MAP7: variants seen among roughly 807,000 people sequenced by gnomAD.
The protein encoded by MAP7 is ensconsin.
A neutral mutation model predicts 94.8 loss-of-function variants in MAP7; 52 were observed. The ratio of observed to expected loss-of-function variants is 0.55; its 90% CI spans 0.44 to 0.69. The LOEUF (loss-of-function observed/expected upper bound fraction) is 0.69. MAP7 is among the 30% of genes least tolerant of loss of function. MAP7 has a pLI of 0.00. For synonymous variants in MAP7, 350 were observed against 357.0 expected (o/e 0.98, Z 0.22); for missense variants, 940 against 964.6 (o/e 0.97, Z 0.34).
chr6:136,396,313 A>G (rs1214178470), intron 3 of MAP7, among the ~76,000 whole-genome samples: 1 of 151,814 alleles, frequency 6.6e-6, no homozygotes, highest in African/African-American at 2.4e-5. Context: ...TTTTATTTTT[A>G]TAGCTACCGT....
At chr6:136,482,983 G>A (rs1158455195) in intron 1 of MAP7, among the ~76,000 whole-genome samples, 1 of 152,006 alleles carries the variant, frequency 6.6e-6, no homozygotes, top group African/African-American at 2.4e-5. Flanking sequence ...TTCTGTACAA[G>A]TTTTCCACGT....
At chr6:136,449,823 T>G (rs1285204104) in intron 1 of MAP7, among the ~76,000 whole-genome samples, 2 of 152,220 alleles carry the variant, frequency 1.3e-5, no homozygotes, top group Non-Finnish European at 2.9e-5. Context: ...ATAAGGGCTC[T>G]GAGAGGGAAG....
chr6:136,543,197 G>C (rs1370840942), intron 1 of MAP7, among the ~76,000 whole-genome samples: 1 of 152,248 alleles, frequency 6.6e-6, no homozygotes, highest in African/African-American at 2.4e-5. Flanking sequence ...CAAAACCCGG[G>C]AACAACTCAA....
intron 3 of MAP7, among the ~76,000 whole-genome samples, chr6:136,400,026 A>C (rs1161849684): frequency 6.6e-6 from 1 of 152,202 alleles, no homozygotes; most frequent in African/African-American, 2.4e-5. Flanking sequence ...ATTAAAGATA[A>C]CCATGGAATG....
Position 136,466,665 on chromosome 6 carries a change from A to G in MAP7, c.68-44866T>C. On this transcript the variant is annotated intron_variant, in intron 1 of 17. Transcript: ENST00000354570. ...TTCCTACTCTGTACTTCCACTTGTTATAAGTATTAATTTGTCAAAATGGAT... is the reference window on the plus strand; with the variant it reads ...TTCCTACTCTGTACTTCCACTTGTTGTAAGTATTAATTTGTCAAAATGGAT... 5.0e-6 allele frequency: 6 copies of G among 1,211,608 alleles called. No individual in the cohort carries two copies. The South Asian group carries it at 7.4e-5, about 15-fold the overall frequency. 75.1% of individuals were successfully genotyped at this position (1,211,608 alleles called of 1,614,324 possible).
intron 1 of MAP7, among the ~76,000 whole-genome samples, chr6:136,485,988 C>T (rs1814613793): frequency 2.0e-5 from 3 of 152,154 alleles, no homozygotes. Context: ...CTCCTAGAAC[C>T]TTGTGAAACA....
At chr6:136,379,593 C>T (rs1338415313) in intron 6 of MAP7, among the ~76,000 whole-genome samples, 2 of 152,104 alleles carry the variant, frequency 1.3e-5, no homozygotes, top group African/African-American at 4.8e-5. Flanking sequence ...TGAAAATCTT[C>T]CACAGAACTA....
intron 1 of MAP7, among the ~76,000 whole-genome samples, chr6:136,511,841 C>T (rs947086787): frequency 1.3e-5 from 2 of 152,168 alleles, no homozygotes; most frequent in Admixed American, 6.5e-5. Context: ...AATTCAAACA[C>T]GGCTGTAATG....
rs977280591 is a variant in MAP7, at chr6:136,392,651, T to C, written c.245-3134A>G. ...GATGTGTGAGCATGTCCATGTAGAA[T>C]AGCTGAATCAAAGGGAACATACATT... On this transcript the variant is annotated intron_variant, in intron 3 of 17. Transcript: ENST00000354570. 2.1e-4 allele frequency among the ~76,000 whole-genome samples: 32 copies of C among 152,166 alleles called. 1 individual carries two copies. The highest frequency in any genetic ancestry group is 1.8e-3 in the Admixed American group (27 of 15,266).
Position 136,381,921 on chromosome 6 carries a change from G to C in MAP7, c.637+1750C>G, listed in dbSNP as rs28529621. Among the ~76,000 whole-genome samples the C allele has an allele frequency of 7.0e-3, 524 of 74,776 alleles. 4 individuals carry two copies. Among genetic ancestry groups the C allele is most frequent in the African/African-American group, 0.021 (389 of 18,292 alleles). 49.1% of individuals were successfully genotyped at this position (74,776 alleles called of 152,430 possible). A position where few individuals can be genotyped will look rare whatever the true frequency, so the allele number is the denominator to read the frequency against. On this transcript the variant is annotated intron_variant, in intron 6 of 17. Transcript: ENST00000354570. ...ACACACACACACACACACACACACA[G>C]AGAGAGAGAGAGAGAATGCATGGAG...
chr6:136,391,893 A>G (rs1780888443), intron 3 of MAP7, among the ~76,000 whole-genome samples: 1 of 152,218 alleles, frequency 6.6e-6, no homozygotes, highest in African/African-American at 2.4e-5. Flanking sequence ...ATGACATTAA[A>G]CATTTTAAAT....
chr6:136,482,359 G>A (rs1001623495), intron 1 of MAP7, among the ~76,000 whole-genome samples: 1 of 152,208 alleles, frequency 6.6e-6, no homozygotes, highest in Non-Finnish European at 1.5e-5. Flanking sequence ...AGCACTTTGG[G>A]AGGCCAAGGA....
chr6:136,479,900 A>G (rs1245032421), intron 1 of MAP7, among the ~76,000 whole-genome samples: 1 of 152,208 alleles, frequency 6.6e-6, no homozygotes, highest in African/African-American at 2.4e-5. Flanking sequence ...TGAAAAATCA[A>G]TATTGTTAAA....
intron 16 of MAP7, among the ~76,000 whole-genome samples, chr6:136,346,934 T>A (rs1787867265): frequency 6.6e-6 from 1 of 152,218 alleles, no homozygotes; most frequent in Non-Finnish European, 1.5e-5. Context: ...CCTTGCATAA[T>A]TTCATATGTA....
chr6:136,432,772 T>G (rs1003893411), intron 1 of MAP7, among the ~76,000 whole-genome samples: 10 of 152,200 alleles, frequency 6.6e-5, no homozygotes, highest in African/African-American at 2.4e-4. Context: ...ATTTATCTAT[T>G]GATTTAGCCT....
At chr6:136,458,014 T>A (rs1049874859) in intron 1 of MAP7, among the ~76,000 whole-genome samples, 6 of 152,150 alleles carry the variant, frequency 3.9e-5, no homozygotes, top group African/African-American at 1.4e-4. Context: ...GATGACATGA[T>A]CTTATTTGTA....
intron 13 of MAP7, among the ~76,000 whole-genome samples, chr6:136,360,404 C>T (rs1033099575): frequency 3.3e-5 from 5 of 152,200 alleles, no homozygotes; most frequent in African/African-American, 1.2e-4. Context: ...CGTGGCCTCC[C>T]AAAGTGCTGG....
intron 1 of MAP7, among the ~76,000 whole-genome samples, chr6:136,496,883 G>A (rs1818401167): frequency 6.6e-6 from 1 of 151,768 alleles, no homozygotes; most frequent in Admixed American, 6.6e-5. Context: ...GAGCCCAGGA[G>A]GTGGAGGCTG....
intron 15 of MAP7, among the ~76,000 whole-genome samples, chr6:136,358,858 T>G (rs1205295637): frequency 2.0e-5 from 3 of 152,178 alleles, no homozygotes; most frequent in Non-Finnish European, 2.9e-5. Context: ...AATCAGGAGC[T>G]GGGGGACCGG....
Sources: gnomAD v4.1 joint callset for allele counts (sites outside exome capture counted in the v4.1 genomes callset) on GRCh38, gnomAD v4.1.1 for gene constraint, MANE v1.5 for transcripts, NCBI Gene and HGNC (gene_info 2026-07-23, HGNC 2026-07-21) for gene names.